The following PARM1 variants were observed in gnomAD, a reference collection of about 807,000 sequenced individuals.
PARM1 encodes prostate androgen-regulated mucin-like protein 1.
In PARM1, 14 loss-of-function variants were observed where a neutral mutation model predicts 24.6. The observed-to-expected ratio is 0.57, with a 90% CI of 0.38 to 0.89. The LOEUF is 0.89. Ranked by LOEUF, PARM1 falls within the 40% of genes least tolerant of loss-of-function variation. The pLI is 0.00. For missense variants in PARM1, 362 were observed against 380.4 expected (o/e 0.95, Z 0.40); for synonymous variants, 179 against 156.6 (o/e 1.14, Z -1.07).
At chr4:75,030,382 G>A (rs1295107043) in intron 2 of PARM1, among the ~76,000 whole-genome samples, 3 of 152,094 alleles carry the variant, frequency 2.0e-5, no homozygotes, top group Non-Finnish European at 4.4e-5. Flanking sequence ...GATGATAGCT[G>A]TACAGTTTTG....
intron 1 of PARM1, among the ~76,000 whole-genome samples, chr4:75,010,328 T>G (rs1722847282): frequency 6.6e-6 from 1 of 152,184 alleles, no homozygotes; most frequent in African/African-American, 2.4e-5. Context: ...CAGTAGAGTG[T>G]AGAATGGTTG....
chr4:75,029,957 C>T (rs1415431971), intron 2 of PARM1, among the ~76,000 whole-genome samples: 1 of 151,890 alleles, frequency 6.6e-6, no homozygotes, highest in Non-Finnish European at 1.5e-5. Flanking sequence ...GAGTTAAGTA[C>T]CCACTGTGGG....
At position 74,933,415 on chromosome 4, in the gene PARM1, C is replaced by T. The variant is rs779915782; in HGVS notation, c.43+45C>T. 33 of 1,568,438 alleles carry T rather than the reference C, an allele frequency of 2.1e-5. No homozygotes were observed. In the East Asian group the frequency reaches 5.4e-4, roughly 26 times the overall value. Reference sequence around the variant, plus strand: ...CGGAAGGGCAGGTCGCGGGGTGGGCCCCAGTAGCTAGCGCGTGGTCGGGGC... The same window carrying T: ...CGGAAGGGCAGGTCGCGGGGTGGGCTCCAGTAGCTAGCGCGTGGTCGGGGC... On this transcript the variant is annotated intron_variant, in intron 1 of 3. Coordinates refer to ENST00000307428, the MANE Select transcript of PARM1 (RefSeq NM_015393.4).
intron 1 of PARM1, among the ~76,000 whole-genome samples, chr4:74,991,916 T>C (rs1722480953): frequency 6.6e-6 from 1 of 152,182 alleles, no homozygotes; most frequent in Admixed American, 6.6e-5. Flanking sequence ...CTATTTATAC[T>C]TCTGACCCAC....
chr4:74,995,718 T>C (rs1722563271), intron 1 of PARM1, among the ~76,000 whole-genome samples: 1 of 152,126 alleles, frequency 6.6e-6, no homozygotes, highest in African/African-American at 2.4e-5. Context: ...CCATGGCTAC[T>C]ACCTTAGGCC....
At position 74,979,624 on chromosome 4, in the gene PARM1, A is replaced by G. The variant is rs10022622; in HGVS notation, c.44-32801A>G. ...TAACTCATTTTATGAGGCCAGCACC[A>G]TCTTGATACCAAAACCAGGCAGAGA... On this transcript the variant is annotated intron_variant, in intron 1 of 3. Coordinates refer to ENST00000307428, the MANE Select transcript of PARM1 (RefSeq NM_015393.4). 4.1e-3 allele frequency among the ~76,000 whole-genome samples: 624 copies of G among 152,302 alleles called. 3 individuals are homozygous for G. Among genetic ancestry groups the G allele is most frequent in the African/African-American group, 0.014 (571 of 41,558 alleles).
chr4:74,991,712 T>G (rs906257715), intron 1 of PARM1, among the ~76,000 whole-genome samples: 3 of 152,146 alleles, frequency 2.0e-5, no homozygotes, highest in African/African-American at 7.2e-5. Context: ...GGCATTAGGT[T>G]GAGTGCTCAA....
intron 2 of PARM1, among the ~76,000 whole-genome samples, chr4:75,030,205 C>T (rs1420429119): frequency 6.6e-6 from 1 of 152,082 alleles, no homozygotes; most frequent in African/African-American, 2.4e-5. Context: ...GCTGGCCAGG[C>T]TAAGAAAAGT....
chr4:75,006,068 A>G (rs1722762848), intron 1 of PARM1, among the ~76,000 whole-genome samples: 1 of 152,228 alleles, frequency 6.6e-6, no homozygotes, highest in Non-Finnish European at 1.5e-5. Flanking sequence ...TCTCAAGGAA[A>G]TACTAATACT....
intron 1 of PARM1, among the ~76,000 whole-genome samples, chr4:74,957,669 C>G (rs184278429): frequency 2.0e-5 from 3 of 152,308 alleles, no homozygotes; most frequent in African/African-American, 7.2e-5. Flanking sequence ...ATAACATTTT[C>G]TTCTTCTGTC....
chr4:74,982,116 A>G (rs1722268953), intron 1 of PARM1, among the ~76,000 whole-genome samples: 1 of 152,200 alleles, frequency 6.6e-6, no homozygotes, highest in Non-Finnish European at 1.5e-5. Context: ...ATGCACCCAT[A>G]AAAAGGAATG....
At chr4:74,974,251 C>T (rs1245344792) in intron 1 of PARM1, among the ~76,000 whole-genome samples, 1 of 152,180 alleles carries the variant, frequency 6.6e-6, no homozygotes, top group Non-Finnish European at 1.5e-5. Context: ...CTAGTTTTAT[C>T]CAGAAACACC....
At chr4:75,015,425 T>C (rs1219718161) in intron 2 of PARM1, among the ~76,000 whole-genome samples, 2 of 152,144 alleles carry the variant, frequency 1.3e-5, no homozygotes. Context: ...AAGAGAGGTG[T>C]GGCCGGTTAG....
At chr4:75,033,780 GA>G in intron 2 of PARM1, 102 bp from the exon 3 acceptor site, 1 of 791,106 alleles carries the variant, frequency 1.3e-6, no homozygotes, top group Non-Finnish European at 1.9e-6. Context: ...CCCTTTCAGA[GA>G]AAAGATGGGA....
chr4:75,022,728 C>G (rs917150285), intron 2 of PARM1, among the ~76,000 whole-genome samples: 1 of 152,064 alleles, frequency 6.6e-6, no homozygotes, highest in African/African-American at 2.4e-5. Context: ...GATTCCATAC[C>G]CTGACTGAAC....
intron 1 of PARM1, among the ~76,000 whole-genome samples, chr4:75,006,813 G>C (rs1458477936): frequency 6.6e-6 from 1 of 152,090 alleles, no homozygotes; most frequent in African/African-American, 2.4e-5. Context: ...CATAGGCAGG[G>C]GCAAGAACTT....
intron 1 of PARM1, chr4:74,967,510 G>C (rs1721928336): frequency 6.6e-6 from 1 of 152,240 alleles, no homozygotes; most frequent in Non-Finnish European, 1.5e-5. Flanking sequence ...CACCAAAGCA[G>C]AGGCCTTGCT....
intron 2 of PARM1, among the ~76,000 whole-genome samples, chr4:75,019,497 A>G (rs1203261780): frequency 6.6e-6 from 1 of 152,222 alleles, no homozygotes; most frequent in Non-Finnish European, 1.5e-5. Context: ...ACCATTGAAC[A>G]TTAAATTGCT....
At chr4:75,020,009 C>CAAAAAAAAAA (rs1161399344) in intron 2 of PARM1, among the ~76,000 whole-genome samples, 2 of 31,098 alleles carry the variant, frequency 6.4e-5, no homozygotes, top group Non-Finnish European at 1.1e-4. Context: ...GACTCCGTCT[C>CAAAAAAAAAA]AAAAAAAAAA....
Sources: gnomAD v4.1 joint callset for allele counts (sites outside exome capture counted in the v4.1 genomes callset) on GRCh38, gnomAD v4.1.1 for gene constraint, MANE v1.5 for transcripts, NCBI Gene and HGNC (gene_info 2026-07-23, HGNC 2026-07-21) for gene names.